B3GLCT: variants seen among roughly 807,000 people sequenced by gnomAD.
B3GLCT encodes beta-1,3-glucosyltransferase.
A neutral mutation model predicts 63.4 loss-of-function variants in B3GLCT; 65 were observed. That is an observed-to-expected ratio of 1.03 (90% CI 0.84 to 1.26). B3GLCT has a LOEUF of 1.26. B3GLCT is among the 50% of genes most tolerant of loss of function. The pLI is 0.00. For synonymous variants in B3GLCT, 233 were observed against 219.2 expected, an observed-to-expected ratio of 1.06 and a Z score of -0.55; for missense variants, 577 against 604.8, an observed-to-expected ratio of 0.95 and a Z score of 0.48.
intron 6 of B3GLCT, among the ~76,000 whole-genome samples, chr13:31,255,032 T>A (rs1313018203): frequency 2.1e-5 from 2 of 95,908 alleles, no homozygotes; most frequent in Non-Finnish European, 4.2e-5. Context: ...GCAAAGACGC[T>A]GTCTCAAAAA....
intron 2 of B3GLCT, among the ~76,000 whole-genome samples, chr13:31,218,956 G>T (rs1281787550): frequency 2.7e-5 from 4 of 150,304 alleles, no homozygotes; most frequent in African/African-American, 9.8e-5. Context: ...TTCTATTCAG[G>T]TGATCATGTG....
At chr13:31,283,878 G>A (rs1382699120) in intron 10 of B3GLCT, among the ~76,000 whole-genome samples, 1 of 152,130 alleles carries the variant, frequency 6.6e-6, no homozygotes, top group Non-Finnish European at 1.5e-5. Flanking sequence ...GAAAAAACAA[G>A]AAACCACTTT....
rs144650060 is a variant in B3GLCT, at chr13:31,313,704, G to T, written c.1065-3862G>T. ...GAAAAACCCATTTTCTGGGGAGAAA[G>T]TCAAGCCGGCTGCAGAAATTTGTGT... On this transcript the variant is annotated intron_variant, in intron 12 of 14. Coordinates refer to ENST00000343307, the MANE Select transcript of B3GLCT (RefSeq NM_194318.4). Among the ~76,000 whole-genome samples, 837 of 152,326 alleles carry T rather than the reference G, an allele frequency of 5.5e-3. 12 individuals carry two copies. Among genetic ancestry groups the T allele is most frequent in the African/African-American group, 0.019 (804 of 41,564 alleles).
intron 4 of B3GLCT, among the ~76,000 whole-genome samples, chr13:31,234,387 C>A (rs1870538217): frequency 6.6e-6 from 1 of 152,096 alleles, no homozygotes; most frequent in African/African-American, 2.4e-5. Context: ...AAAGGAGGGC[C>A]CCTACCATGG....
At chr13:31,218,474 C>G (rs1869665299) in intron 2 of B3GLCT, among the ~76,000 whole-genome samples, 1 of 152,160 alleles carries the variant, frequency 6.6e-6, no homozygotes. Context: ...GTGTGAGCCA[C>G]CACGCCGGGC....
chr13:31,318,636 C>G (rs975837087), intron 13 of B3GLCT, among the ~76,000 whole-genome samples: 8 of 152,086 alleles, frequency 5.3e-5, no homozygotes, highest in African/African-American at 1.9e-4. Flanking sequence ...TCCAGGGAGG[C>G]CTTTGAAAAG....
intron 4 of B3GLCT, among the ~76,000 whole-genome samples, chr13:31,232,835 CA>C (rs1330659408): frequency 6.6e-6 from 1 of 152,108 alleles, no homozygotes; most frequent in African/African-American, 2.4e-5. Context: ...ATTTTGAGAG[CA>C]GAGAATAGAC....
chr13:31,318,841 A>G (rs1240713471), intron 13 of B3GLCT, among the ~76,000 whole-genome samples: 1 of 152,208 alleles, frequency 6.6e-6, no homozygotes, highest in African/African-American at 2.4e-5. Context: ...TATATACTTT[A>G]TAGCATGATG....
Position 31,296,812 on chromosome 13 carries a change from A to G in B3GLCT, c.1064+9993A>G, listed in dbSNP as rs188992976. 5.8e-3 allele frequency among the ~76,000 whole-genome samples: 884 copies of G among 152,092 alleles called. 8 individuals are homozygous for G. The highest frequency in any genetic ancestry group is 0.02 in the African/African-American group (840 of 41,472). On this transcript the variant is annotated intron_variant, in intron 12 of 14. Coordinates refer to ENST00000343307, the MANE Select transcript of B3GLCT (RefSeq NM_194318.4). ...CAAATTTACCATCATAACCATTTTT[A>G]AGTATACAGTTTAGTAGTATTAAAT...
chr13:31,330,483 C>T lies in B3GLCT; in HGVS notation c.*815C>T, dbSNP rs756575776. On this transcript the variant is annotated 3_prime_UTR_variant, in exon 15 of 15. Transcript: ENST00000343307. ...TGTTGACATGTTTTGTTCAAGTCAGCAAGCTCTATGTGAGTCTCAGGAAGT... is the reference window on the plus strand; with the variant it reads ...TGTTGACATGTTTTGTTCAAGTCAGTAAGCTCTATGTGAGTCTCAGGAAGT... 6.6e-5 allele frequency: 10 copies of T among 151,186 alleles called. No homozygotes were observed. The highest frequency in any genetic ancestry group is 1.3e-4 in the Non-Finnish European group (9 of 67,872). 9.4% of individuals were successfully genotyped at this position (151,186 alleles called of 1,614,324 possible).
chr13:31,234,721 G>A (rs1870562080), intron 4 of B3GLCT, among the ~76,000 whole-genome samples: 1 of 152,136 alleles, frequency 6.6e-6, no homozygotes, highest in South Asian at 2.1e-4. Flanking sequence ...GGGCTTCTCT[G>A]AGGGCCCTCC....
At chr13:31,269,891 C>T (rs988302577) in intron 8 of B3GLCT, among the ~76,000 whole-genome samples, 12 of 152,192 alleles carry the variant, frequency 7.9e-5, no homozygotes, top group African/African-American at 2.7e-4. Context: ...GACTTCCCAG[C>T]CCCTAGAACT....
chr13:31,255,028 A>G (rs953667729), intron 6 of B3GLCT, among the ~76,000 whole-genome samples: 3 of 98,482 alleles, frequency 3.0e-5, no homozygotes, highest in East Asian at 4.0e-4. Context: ...CAGTGCAAAG[A>G]CGCTGTCTCA....
chr13:31,271,795 G>T (rs1049231592), intron 8 of B3GLCT, among the ~76,000 whole-genome samples: 2 of 152,036 alleles, frequency 1.3e-5, no homozygotes, highest in African/African-American at 2.4e-5. Flanking sequence ...TGTAGAAATC[G>T]TCCATAATAA....
At chr13:31,314,041 G>C (rs922073091) in intron 12 of B3GLCT, among the ~76,000 whole-genome samples, 3 of 152,200 alleles carry the variant, frequency 2.0e-5, no homozygotes, top group Non-Finnish European at 4.4e-5. Context: ...TTGAGCCTGC[G>C]GGTACACAGA....
intron 14 of B3GLCT, 64 bp from the exon 15 acceptor site, chr13:31,329,437 T>A: frequency 6.3e-7 from 1 of 1,581,564 alleles, no homozygotes; most frequent in South Asian, 1.1e-5. Flanking sequence ...TAAATTCAAA[T>A]GCTCTTCTGC....
chr13:31,230,663 C>G (rs1304389667), intron 4 of B3GLCT, among the ~76,000 whole-genome samples: 1 of 152,174 alleles, frequency 6.6e-6, no homozygotes, highest in Non-Finnish European at 1.5e-5. Context: ...GTAACACATG[C>G]TATAGATTGT....
At chr13:31,223,030 G>C (rs768038721) in intron 3 of B3GLCT, 39 bp downstream of exon 3, 14 of 1,261,594 alleles carry the variant, frequency 1.1e-5, no homozygotes, top group African/African-American at 1.5e-5. Context: ...TGTGTACTTA[G>C]GTATATTTTG....
Position 31,329,779 on chromosome 13 carries a change from T to C in B3GLCT, c.*111T>C. ...GTGTCTGCCACATGGCATTGGGTGC[T>C]TCCTGACTTTAGGGGGAGATTTTAT... On this transcript the variant is annotated 3_prime_UTR_variant, in exon 15 of 15. Transcript: ENST00000343307. 1 of 1,235,854 alleles carries C rather than the reference T, an allele frequency of 8.1e-7. No individual in the cohort carries two copies. The highest frequency in any genetic ancestry group is 1.2e-6 in the Non-Finnish European group (1 of 856,700). 76.6% of individuals were successfully genotyped at this position (1,235,854 alleles called of 1,614,324 possible). A position where few individuals can be genotyped will look rare whatever the true frequency, so the allele number is the denominator to read the frequency against.
Sources: gnomAD v4.1 joint callset for allele counts (sites outside exome capture counted in the v4.1 genomes callset) on GRCh38, gnomAD v4.1.1 for gene constraint, MANE v1.5 for transcripts, NCBI Gene and HGNC (gene_info 2026-07-23, HGNC 2026-07-21) for gene names.